The following FAS variants were observed in gnomAD, a reference collection of about 807,000 sequenced individuals.
The protein encoded by FAS is tumor necrosis factor receptor superfamily member 6.
In FAS, 5 loss-of-function variants were observed where a neutral mutation model predicts 33.2. The observed-to-expected ratio is 0.15, with a 90% confidence interval of 0.08 to 0.32. The LOEUF (loss-of-function observed/expected upper bound fraction) is 0.32, where lower values mean the gene tolerates loss of function less well. Among genes scored for constraint, FAS ranks in the 10% least tolerant of loss-of-function variants. FAS has a pLI of 1.00. For synonymous variants in FAS, 131 were observed against 130.7 expected (o/e 1.00, Z -0.01); for missense variants, 339 against 386.0 (o/e 0.88, Z 1.02).
At chr10:88,980,034 C>A (rs1433343516) in intron 2 of FAS, among the ~76,000 whole-genome samples, 1 of 152,208 alleles carries the variant, frequency 6.6e-6, no homozygotes, top group Non-Finnish European at 1.5e-5. Context: ...AGATGGCCAG[C>A]TGAGCCGAAA....
Position 89,003,330 on chromosome 10 carries a change from G to A in FAS, c.196+136G>A, listed in dbSNP as rs147187011. 3.5e-4 allele frequency: 325 copies of A among 934,274 alleles called. 1 individual carries two copies. The African/African-American group carries it at 4.7e-3, about 13-fold the overall frequency. The allele number at this position is 934,274 out of a possible 1,614,324, so 57.9% of individuals were successfully genotyped here. On this transcript the variant is annotated intron_variant, in intron 2 of 8. Transcript: ENST00000652046. ...ACATAACTGAGAGAAAAACAACTAT[G>A]AAATTATTTTCCAAAGATGAGTTTT...
Position 89,015,017 on chromosome 10 carries a change from C to G in FAS, c.*567C>G. On this transcript the variant is annotated 3_prime_UTR_variant, in exon 9 of 9. Coordinates refer to ENST00000652046, the MANE Select transcript of FAS (RefSeq NM_000043.6). The stretch of plus-strand genomic sequence containing the variant: ...TTAAATAAGGCTCTACCTCAAAGAC[C>G]TTTGCACAGTTTATTGGTGTCATAT... 1 of 533,362 alleles carries G rather than the reference C, an allele frequency of 1.9e-6. No homozygotes were observed. 33.0% of individuals were successfully genotyped at this position (533,362 alleles called of 1,614,324 possible).
chr10:88,980,783 A>G (rs1846691744), intron 2 of FAS, among the ~76,000 whole-genome samples: 1 of 152,234 alleles, frequency 6.6e-6, no homozygotes, highest in African/African-American at 2.4e-5. Flanking sequence ...GGCAATGATA[A>G]GAAAGAATGA....
intron 2 of FAS, 26 bp downstream of exon 2, chr10:89,003,220 T>A (rs539577717): frequency 9.9e-6 from 16 of 1,613,774 alleles, no homozygotes; most frequent in Non-Finnish European, 1.3e-5. Context: ...CATCCAGAGA[T>A]TACAGTGAAA....
At chr10:88,988,460 T>C (rs1353251042), upstream of FAS, among the ~76,000 whole-genome samples, 2 of 150,662 alleles carry the variant, frequency 1.3e-5, no homozygotes, top group African/African-American at 4.9e-5. Context: ...ACTCTTCCTG[T>C]TTTTTTACAT....
intron 1 of FAS, among the ~76,000 whole-genome samples, chr10:88,965,372 A>T (rs1187810475): frequency 6.6e-6 from 1 of 152,172 alleles, no homozygotes; most frequent in Non-Finnish European, 1.5e-5. Context: ...ACCATCTCAG[A>T]CGTTGTTAGT....
At chr10:88,992,619 A>G (rs1847312176) in intron 1 of FAS, 1 of 152,220 alleles carries the variant, frequency 6.6e-6, no homozygotes, top group African/African-American at 2.4e-5. Context: ...GGTATAACTT[A>G]TATTTGTATA....
At chr10:88,966,975 C>T (rs1219851471) in intron 1 of FAS, among the ~76,000 whole-genome samples, 1 of 152,188 alleles carries the variant, frequency 6.6e-6, no homozygotes, top group Non-Finnish European at 1.5e-5. Context: ...AGCAACACGG[C>T]TCAAACAGCG....
chr10:89,001,244 A>G (rs888172700), intron 1 of FAS, among the ~76,000 whole-genome samples: 1 of 144,706 alleles, frequency 6.9e-6, no homozygotes, highest in Non-Finnish European at 1.5e-5. Context: ...GAGGGCTGTC[A>G]TTTCTCACCA....
chr10:88,984,780 G>A (rs1444035751), upstream of FAS, among the ~76,000 whole-genome samples: 1 of 152,126 alleles, frequency 6.6e-6, no homozygotes, highest in Non-Finnish European at 1.5e-5. Context: ...GAGAAAGAGA[G>A]AGAGACATCT....
At chr10:88,989,842 G>T (rs1416625752), upstream of FAS, among the ~76,000 whole-genome samples, 1 of 152,206 alleles carries the variant, frequency 6.6e-6, no homozygotes, top group Non-Finnish European at 1.5e-5. Flanking sequence ...AGTGTGTCCA[G>T]TCTGGAACTG....
At chr10:88,991,221 G>C (rs887949957) in intron 1 of FAS, 6 of 540,634 alleles carry the variant, frequency 1.1e-5, no homozygotes, top group East Asian at 3.1e-5. Flanking sequence ...AGGTGGGCGT[G>C]GGGTGCGGAC....
Position 89,010,605 on chromosome 10 carries a change from T to C in FAS, c.505+5T>C. On this transcript the variant is annotated splice_donor_5th_base_variant and intron_variant, in intron 5 of 8. Coordinates refer to ENST00000652046, the MANE Select transcript of FAS (RefSeq NM_000043.6). ...ACACCAAGTGCAAAGAGGAAGGTAA[T>C]TATTTTTTTACGGTTATATTCTCCT... 6.2e-7 allele frequency: 1 copy of C among 1,613,708 alleles called. No homozygotes were observed. Among genetic ancestry groups the C allele is most frequent in the Non-Finnish European group, 8.5e-7 (1 of 1,179,732 alleles).
At chr10:88,999,394 T>TA (rs891335943) in intron 1 of FAS, among the ~76,000 whole-genome samples, 1 of 152,196 alleles carries the variant, frequency 6.6e-6, no homozygotes, top group African/African-American at 2.4e-5. Flanking sequence ...AACTTTCAGA[T>TA]AAATCTATTA....
intron 1 of FAS, among the ~76,000 whole-genome samples, chr10:88,993,383 G>A (rs1847385541): frequency 6.6e-6 from 1 of 151,854 alleles, no homozygotes; most frequent in Non-Finnish European, 1.5e-5. Flanking sequence ...CCCTCGCTCA[G>A]AAATGCCAGC....
rs1848663705 is a variant in FAS at position 89,014,091 on chromosome 10, A to G, written c.677-28A>G. 3 of 1,608,398 alleles carry G rather than the reference A, an allele frequency of 1.9e-6. No individual in the cohort carries two copies. In the African/African-American group the frequency reaches 4.0e-5, roughly 21 times the overall value. On this transcript the variant is annotated intron_variant, in intron 8 of 8. Transcript: ENST00000652046. ...AATGGGAATTTCATTTAGAAAAACA[A>G]ATTTTCAGACTATTTTCTATTTTTC...
chr10:89,007,259 G>A (rs1848279554), intron 2 of FAS, among the ~76,000 whole-genome samples: 1 of 152,186 alleles, frequency 6.6e-6, no homozygotes, highest in African/African-American at 2.4e-5. Context: ...ATCAGGATTT[G>A]TGGACTTTGG....
At chr10:89,010,103 T>C (rs796763533) in intron 4 of FAS, among the ~76,000 whole-genome samples, 7 of 152,330 alleles carry the variant, frequency 4.6e-5, no homozygotes, top group African/African-American at 1.7e-4. Flanking sequence ...GCCAGCTGAG[T>C]ACCCTCCCTG....
At chr10:88,970,976 A>G (rs1241575013) in intron 1 of FAS, among the ~76,000 whole-genome samples, 2 of 152,200 alleles carry the variant, frequency 1.3e-5, no homozygotes, top group African/African-American at 4.8e-5. Flanking sequence ...CATGTCTGAC[A>G]TTCAGATTCC....
Sources: allele counts gnomAD v4.1 joint callset (sites outside exome capture counted in the v4.1 genomes callset), GRCh38; gene constraint gnomAD v4.1.1; transcripts MANE v1.5; gene names NCBI Gene and HGNC (gene_info 2026-07-23, HGNC 2026-07-21).